OCA2: variants seen among roughly 807,000 people sequenced by gnomAD.
OCA2 encodes OCA2 melanosomal transmembrane protein.
A neutral mutation model predicts 100.2 loss-of-function variants in OCA2; 77 were observed. The ratio of observed to expected loss-of-function variants is 0.77; its 90% CI spans 0.64 to 0.93. OCA2 has a LOEUF of 0.93. OCA2 is among the 40% of genes least tolerant of loss of function. The pLI is 0.00. For missense variants in OCA2, 1,062 were observed against 1,089.1 expected (o/e 0.98, Z 0.35); for synonymous variants, 432 against 439.2 (o/e 0.98, Z 0.21).
intron 21 of OCA2, among the ~76,000 whole-genome samples, chr15:27,862,698 C>T (rs988598313): frequency 6.6e-6 from 1 of 152,072 alleles, no homozygotes; most frequent in African/African-American, 2.4e-5. Flanking sequence ...TGGTACCGAA[C>T]TCTTGATCTC....
At chr15:27,835,299 CAT>C (rs2151331503) in intron 23 of OCA2, among the ~76,000 whole-genome samples, 1 of 152,344 alleles carries the variant, frequency 6.6e-6, no homozygotes, top group South Asian at 2.1e-4. Flanking sequence ...TTCCATCCCA[CAT>C]GATTTATCCC....
the OCA2 span, among the ~76,000 whole-genome samples, chr15:27,746,280 A>AC: frequency 6.6e-6 from 1 of 152,004 alleles, no homozygotes; most frequent in Admixed American, 6.5e-5. Context: ...ACATGGTGAA[A>AC]CCCCATCTCT....
At chr15:27,734,128 C>T in the OCA2 span, among the ~76,000 whole-genome samples, 1 of 147,102 alleles carries the variant, frequency 6.8e-6, no homozygotes, top group African/African-American at 2.5e-5. Context: ...CCACTGCACT[C>T]CAGATAGAGT....
At chr15:27,857,899 T>C (rs2035999496) in intron 21 of OCA2, among the ~76,000 whole-genome samples, 1 of 152,196 alleles carries the variant, frequency 6.6e-6, no homozygotes, top group South Asian at 2.1e-4. Flanking sequence ...TGACAGGTTG[T>C]TATATATTTA....
chr15:28,037,371 C>T (rs924563431), intron 2 of OCA2, among the ~76,000 whole-genome samples: 1 of 152,072 alleles, frequency 6.6e-6, no homozygotes, highest in Non-Finnish European at 1.5e-5. Context: ...GAAAACCAAG[C>T]TGAGCAATGA....
At chr15:27,927,105 C>T (rs1251723407) in intron 18 of OCA2, among the ~76,000 whole-genome samples, 2 of 152,162 alleles carry the variant, frequency 1.3e-5, no homozygotes, top group African/African-American at 4.8e-5. Flanking sequence ...TCCTGACCAA[C>T]ATGGAGAAAC....
intron 19 of OCA2, chr15:27,896,027 G>A: frequency 9.3e-7 from 1 of 1,079,018 alleles, no homozygotes; most frequent in Non-Finnish European, 1.4e-6. Flanking sequence ...TTCTCAATAG[G>A]TTTGGCATGG....
intron 18 of OCA2, among the ~76,000 whole-genome samples, chr15:27,934,825 T>G (rs1455665476): frequency 6.6e-6 from 1 of 152,216 alleles, no homozygotes; most frequent in African/African-American, 2.4e-5. Context: ...AAAAATTCCC[T>G]GCAATAGCCT....
chr15:28,005,747 C>A (rs765781209), intron 9 of OCA2, among the ~76,000 whole-genome samples: 52 of 152,182 alleles, frequency 3.4e-4, no homozygotes, highest in Non-Finnish European at 4.7e-4. Flanking sequence ...CTGCAAAGCC[C>A]CTTTTGCCGT....
intron 19 of OCA2, among the ~76,000 whole-genome samples, chr15:27,887,793 G>A (rs2037290764): frequency 6.6e-6 from 1 of 151,628 alleles, no homozygotes; most frequent in Non-Finnish European, 1.5e-5. Flanking sequence ...AAGACAGCTA[G>A]GTGGGCTTGT....
chr15:27,755,285 A>G lies in OCA2; in HGVS notation c.*103T>C. 1 of 810,662 alleles carries G rather than the reference A, an allele frequency of 1.2e-6. No homozygotes were observed. Among genetic ancestry groups the G allele is most frequent in the South Asian group, 1.4e-5 (1 of 70,660 alleles). 50.2% of individuals were successfully genotyped at this position (810,662 alleles called of 1,614,324 possible). A position where few individuals can be genotyped will look rare whatever the true frequency, so the allele number is the denominator to read the frequency against. Reference sequence around the variant, plus strand: ...GTGTCTCTGTAGCATCTCCAGGGTAAGCACCTTTTCTTCTTCAAACAGTGG... The same window carrying G: ...GTGTCTCTGTAGCATCTCCAGGGTAGGCACCTTTTCTTCTTCAAACAGTGG... On this transcript the variant is annotated 3_prime_UTR_variant, in exon 24 of 24. Coordinates refer to ENST00000354638, the MANE Select transcript of OCA2 (RefSeq NM_000275.3).
At chr15:27,982,464 C>G (rs1247727476) in intron 14 of OCA2, among the ~76,000 whole-genome samples, 1 of 152,184 alleles carries the variant, frequency 6.6e-6, no homozygotes, top group Non-Finnish European at 1.5e-5. Flanking sequence ...TGGCTGCACA[C>G]CTCAGTTCAC....
intron 9 of OCA2, among the ~76,000 whole-genome samples, chr15:28,001,063 A>G (rs1291144125): frequency 2.6e-5 from 4 of 152,140 alleles, no homozygotes; most frequent in African/African-American, 9.7e-5. Flanking sequence ...ACCAAACTTA[A>G]AAATAGATCT....
chr15:27,991,891 A>C (rs2041566917), intron 9 of OCA2, among the ~76,000 whole-genome samples: 1 of 152,182 alleles, frequency 6.6e-6, no homozygotes, highest in Admixed American at 6.5e-5. Flanking sequence ...TGAAATGCAA[A>C]TTCTGACTAA....
chr15:27,909,249 A>G (rs1306022438), intron 19 of OCA2, among the ~76,000 whole-genome samples: 1 of 152,232 alleles, frequency 6.6e-6, no homozygotes, highest in Non-Finnish European at 1.5e-5. Context: ...AAGACACAGA[A>G]GTAGACTTGA....
intron 19 of OCA2, among the ~76,000 whole-genome samples, chr15:27,887,130 C>G (rs985401773): frequency 6.6e-6 from 1 of 152,196 alleles, no homozygotes; most frequent in Non-Finnish European, 1.5e-5. Flanking sequence ...CTTGCTCTTC[C>G]TTGCCTTCTG....
At chr15:27,722,717 T>C in the OCA2 span, among the ~76,000 whole-genome samples, 1 of 74,018 alleles carries the variant, frequency 1.4e-5, no homozygotes, top group African/African-American at 7.3e-5. Flanking sequence ...CCTTTCTTTC[T>C]CTCTTTCTTC....
At chr15:27,757,199 T>G (rs922762039) in intron 23 of OCA2, among the ~76,000 whole-genome samples, 2 of 152,232 alleles carry the variant, frequency 1.3e-5, no homozygotes, top group Non-Finnish European at 2.9e-5. Context: ...TGCATCAGTC[T>G]AACTCTAGTT....
At chr15:28,047,497 T>C (rs2043381553) in intron 2 of OCA2, among the ~76,000 whole-genome samples, 1 of 152,150 alleles carries the variant, frequency 6.6e-6, no homozygotes, top group Non-Finnish European at 1.5e-5. Flanking sequence ...AAACACGTGG[T>C]CTAGGCTTCT....
Sources: gnomAD v4.1 joint callset for allele counts (sites outside exome capture counted in the v4.1 genomes callset) on GRCh38, gnomAD v4.1.1 for gene constraint, MANE v1.5 for transcripts, NCBI Gene and HGNC (gene_info 2026-07-23, HGNC 2026-07-21) for gene names.